ZNF521: variants seen among roughly 807,000 people sequenced by gnomAD.
The protein encoded by ZNF521 is LYST-interacting protein 3.
A neutral mutation model predicts 105.5 loss-of-function variants in ZNF521; 14 were observed. That is an observed-to-expected ratio of 0.13 (90% CI 0.09 to 0.21). The LOEUF (loss-of-function observed/expected upper bound fraction) is 0.21, where lower values mean the gene tolerates loss of function less well. Ranked by LOEUF, ZNF521 falls within the 10% of genes least tolerant of loss-of-function variation. The pLI, the probability that ZNF521 is intolerant of heterozygous loss-of-function variation, is 1.00. For synonymous variants in ZNF521, 635 were observed against 606.0 expected (o/e 1.05, Z -0.70); for missense variants, 1,233 against 1,629.7 (o/e 0.76, Z 4.19).
chr18:25,219,464 G>GGTCT (rs1905550510), intron 4 of ZNF521, among the ~76,000 whole-genome samples: 1 of 152,208 alleles, frequency 6.6e-6, no homozygotes. Flanking sequence ...AAGGGAACAT[G>GGTCT]TGAGTGGATA....
intron 2 of ZNF521, chr18:25,327,456 G>C: frequency 8.5e-7 from 1 of 1,169,958 alleles, no homozygotes; most frequent in Non-Finnish European, 1.1e-6. Context: ...CACCTAAAAA[G>C]AAAATCAGAG....
At chr18:25,176,442 G>T (rs1304559196) in intron 5 of ZNF521, among the ~76,000 whole-genome samples, 1 of 152,162 alleles carries the variant, frequency 6.6e-6, no homozygotes. Flanking sequence ...AGAAAACTGT[G>T]ATATGCAAAA....
intron 5 of ZNF521, among the ~76,000 whole-genome samples, chr18:25,107,467 C>G (rs2034096698): frequency 6.6e-6 from 1 of 152,156 alleles, no homozygotes; most frequent in Non-Finnish European, 1.5e-5. Flanking sequence ...GGAAGACTTT[C>G]TCTGAATATC....
chr18:25,335,263 AG>A (rs1350492906), intron 2 of ZNF521, among the ~76,000 whole-genome samples: 1 of 152,178 alleles, frequency 6.6e-6, no homozygotes, highest in Non-Finnish European at 1.5e-5. Context: ...ATAAATCAAG[AG>A]ACTGAGACTC....
At position 25,327,807 on chromosome 18, in the gene ZNF521, C is replaced by T. The variant is rs181156023; in HGVS notation, c.41-5620G>A. ...AGACTGTGCAGCCGTCTGTCCCGCA[C>T]TCGCCTGCTGGTCTGCTGCCTCATT... On this transcript the variant is annotated intron_variant, in intron 2 of 7. Coordinates refer to ENST00000361524, the MANE Select transcript of ZNF521 (RefSeq NM_015461.3). The T allele has an allele frequency of 3.0e-4, 122 of 407,054 alleles. 1 individual carries two copies. Among genetic ancestry groups the T allele is most frequent in the East Asian group, 2.4e-3 (35 of 14,814 alleles). 25.2% of individuals were successfully genotyped at this position (407,054 alleles called of 1,614,324 possible).
chr18:25,185,924 G>A lies in ZNF521; in HGVS notation c.3658+9236C>T, dbSNP rs76720956. Among the ~76,000 whole-genome samples, 1,408 of 152,260 alleles carry A rather than the reference G, an allele frequency of 9.2e-3. 25 individuals are homozygous for A. The highest frequency in any genetic ancestry group is 0.033 in the African/African-American group (1,362 of 41,546). ...GGCTTTGCTAAAAGGAAAAGATAAA[G>A]AATATGATGTTTCCTGTTTGGACAA... On this transcript the variant is annotated intron_variant, in intron 5 of 7. Transcript: ENST00000361524.
intron 3 of ZNF521, among the ~76,000 whole-genome samples, chr18:25,259,987 AG>A (rs949844753): frequency 1.3e-5 from 2 of 152,168 alleles, no homozygotes; most frequent in African/African-American, 4.8e-5. Flanking sequence ...AACAAGGGGG[AG>A]GTTGGGGAAG....
chr18:25,264,548 T>C (rs1452315130), intron 3 of ZNF521, among the ~76,000 whole-genome samples: 3 of 152,218 alleles, frequency 2.0e-5, no homozygotes, highest in African/African-American at 7.2e-5. Flanking sequence ...ATTATGAGTT[T>C]CCTAAGATCA....
At chr18:25,104,073 A>G (rs1378227673) in intron 5 of ZNF521, among the ~76,000 whole-genome samples, 1 of 152,134 alleles carries the variant, frequency 6.6e-6, no homozygotes, top group Non-Finnish European at 1.5e-5. Context: ...TCCGATGATA[A>G]TTCCTTATAT....
At chr18:25,143,278 A>G (rs574638741) in intron 5 of ZNF521, among the ~76,000 whole-genome samples, 3 of 152,182 alleles carry the variant, frequency 2.0e-5, no homozygotes, top group Non-Finnish European at 2.9e-5. Flanking sequence ...AATAACTGTG[A>G]ATGCCTAAAC....
intron 5 of ZNF521, among the ~76,000 whole-genome samples, chr18:25,140,655 C>A (rs2034829592): frequency 6.6e-6 from 1 of 152,090 alleles, no homozygotes. Flanking sequence ...CATGGGGAGA[C>A]AGAGGGGAGA....
chr18:25,222,570 C>T (rs1216850911), intron 4 of ZNF521, among the ~76,000 whole-genome samples: 1 of 152,180 alleles, frequency 6.6e-6, no homozygotes, highest in East Asian at 1.9e-4. Context: ...CACACAGACA[C>T]ACAGACTAAT....
intron 5 of ZNF521, among the ~76,000 whole-genome samples, chr18:25,150,125 G>T (rs779961688): frequency 6.6e-6 from 1 of 152,176 alleles, no homozygotes; most frequent in Non-Finnish European, 1.5e-5. Flanking sequence ...GGCATTCACA[G>T]CAACTTGGAT....
chr18:25,326,544 A>G (rs147677588), intron 2 of ZNF521, among the ~76,000 whole-genome samples: 1 of 152,358 alleles, frequency 6.6e-6, no homozygotes, highest in East Asian at 1.9e-4. Context: ...CACTACATTT[A>G]TAACTTGGTA....
intron 5 of ZNF521, among the ~76,000 whole-genome samples, chr18:25,096,076 A>G (rs2033845135): frequency 6.6e-6 from 1 of 152,186 alleles, no homozygotes; most frequent in Non-Finnish European, 1.5e-5. Flanking sequence ...ACATGTATAG[A>G]AATTTCATCT....
intron 5 of ZNF521, among the ~76,000 whole-genome samples, chr18:25,106,176 A>G (rs1335212628): frequency 1.3e-5 from 2 of 152,174 alleles, no homozygotes; most frequent in Non-Finnish European, 2.9e-5. Flanking sequence ...TGAAAATCCA[A>G]AATGTCATTA....
At chr18:25,312,229 CAT>C (rs1912348308) in intron 3 of ZNF521, among the ~76,000 whole-genome samples, 1 of 152,204 alleles carries the variant, frequency 6.6e-6, no homozygotes, top group South Asian at 2.1e-4. Flanking sequence ...ACTGGGAAAA[CAT>C]ATTCATCAGT....
At chr18:25,310,787 CAA>C (rs1485919440) in intron 3 of ZNF521, among the ~76,000 whole-genome samples, 1 of 151,990 alleles carries the variant, frequency 6.6e-6, no homozygotes, top group Non-Finnish European at 1.5e-5. Context: ...ATCTTTTGCT[CAA>C]AAATAACCCA....
intron 5 of ZNF521, among the ~76,000 whole-genome samples, chr18:25,107,674 G>A (rs80295701): frequency 1.3e-5 from 2 of 152,102 alleles, no homozygotes; most frequent in African/African-American, 2.4e-5. Flanking sequence ...TGCAGACTGC[G>A]GTAATAATTC....
Sources: allele counts gnomAD v4.1 joint callset (sites outside exome capture counted in the v4.1 genomes callset), GRCh38; gene constraint gnomAD v4.1.1; transcripts MANE v1.5; gene names NCBI Gene and HGNC (gene_info 2026-07-23, HGNC 2026-07-21).